Variants in MR1 observed in about 807,000 individuals in gnomAD.
MR1 encodes major histocompatibility complex class I-related protein 1.
Under a neutral mutation model 37.8 loss-of-function variants are expected in MR1, and 44 were observed. The observed-to-expected ratio is 1.16, with a 90% CI of 0.91 to 1.50. The LOEUF (loss-of-function observed/expected upper bound fraction) is 1.50, where lower values mean the gene tolerates loss of function less well. MR1 is among the 40% of genes most tolerant of loss of function. MR1 has a pLI of 0.00. For missense variants in MR1, 386 were observed against 419.1 expected (o/e 0.92, Z 0.69); for synonymous variants, 153 against 155.8 (o/e 0.98, Z 0.13).
chr1:181,047,030 C>G (rs959591448), intron 1 of MR1, among the ~76,000 whole-genome samples: 2 of 152,174 alleles, frequency 1.3e-5, no homozygotes, highest in Non-Finnish European at 2.9e-5. Flanking sequence ...CGGCTTCATT[C>G]TTGAAGTCAG....
intron 2 of MR1, 169 bp downstream of exon 2, chr1:181,049,481 T>C: frequency 1.3e-6 from 1 of 762,436 alleles, no homozygotes. Context: ...GTGCATCTTC[T>C]GGACTGTCCC....
intron 1 of MR1, among the ~76,000 whole-genome samples, chr1:181,048,322 T>A (rs1420905542): frequency 6.6e-6 from 1 of 151,858 alleles, no homozygotes; most frequent in African/African-American, 2.4e-5. Context: ...GATCATGAGG[T>A]CAGGAGTTTG....
chr1:181,047,059 A>G (rs1332626544), intron 1 of MR1, among the ~76,000 whole-genome samples: 1 of 152,006 alleles, frequency 6.6e-6, no homozygotes, highest in Non-Finnish European at 1.5e-5. Flanking sequence ...AGAACCCACC[A>G]ATTGCGGACA....
At position 181,049,044 on chromosome 1, in the gene MR1, C is replaced by G. The variant is rs2236411; in HGVS notation, c.68-8C>G. 143,216 of 1,611,880 alleles carry G rather than the reference C, an allele frequency of 0.089. 7,104 individuals carry two copies. Among genetic ancestry groups the G allele is most frequent in the African/African-American group, 0.19 (14,463 of 74,920 alleles). On this transcript the variant is annotated splice_region_variant and splice_polypyrimidine_tract_variant and intron_variant, in intron 1 of 5. Transcript: ENST00000367580. ...CCTACATGTCTTCCTTCTTTGCCTC[C>G]TTTCCAGGGACGCACTCTCTGAGAT... is the stretch of plus-strand genomic sequence containing the variant.
intron 1 of MR1, among the ~76,000 whole-genome samples, chr1:181,039,005 G>A (rs111682345): frequency 3.3e-5 from 5 of 151,696 alleles, no homozygotes; most frequent in Admixed American, 6.6e-5. Flanking sequence ...GAGTTTCTCC[G>A]TGTTGGCAAG....
rs1658366773 is a variant in MR1 at position 181,052,338 on chromosome 1, G to C, written c.708G>C (p.Trp236Cys). The part of the protein sequence containing the change: ...GFYPPEIYMT[W>C]MKNGEEIVQE... ...ACCCCCCAGAAATTTACATGACATG[G>C]ATGAAAAACGGGGAAGAAATTGTCC... The change falls in exon 4 of 6, where the codon TGG (tryptophan) becomes TGC (cysteine). Residue 236 changes from tryptophan (W) to cysteine (C), a missense_variant. Coordinates refer to ENST00000367580, the MANE Select transcript of MR1 (RefSeq NM_001385161.1). 7 of 1,614,194 alleles carry C rather than the reference G, an allele frequency of 4.3e-6. No individual in the cohort carries two copies. The East Asian group carries it at 1.6e-4, about 36-fold the overall frequency.
intron 2 of MR1, 149 bp from the exon 3 acceptor site, chr1:181,049,862 C>A (rs1383041051): frequency 5.9e-6 from 5 of 850,578 alleles, no homozygotes; most frequent in Non-Finnish European, 7.4e-6. Context: ...ATAAGGGGGA[C>A]CTCCTGGGGA....
chr1:181,054,718 G>C (rs1242596429), intron 5 of MR1, among the ~76,000 whole-genome samples: 1 of 151,582 alleles, frequency 6.6e-6, no homozygotes, highest in African/African-American at 2.4e-5. Flanking sequence ...AAAATTAGCT[G>C]GGCGTGGTGG....
chr1:181,050,011 G>A lies in MR1; in HGVS notation c.329G>A (p.Gly110Glu). 6.2e-7 allele frequency: 1 copy of A among 1,611,568 alleles called. No individual in the cohort carries two copies. The highest frequency in any genetic ancestry group is 8.5e-7 in the Non-Finnish European group (1 of 1,179,362). ...KRLQRHYNHSGSHTYQRMIGC... is the reference protein window; with the variant it reads ...KRLQRHYNHSESHTYQRMIGC... The stretch of plus-strand genomic sequence containing the variant: ...CTCTGGGCTTCTGTGTGTGTTCCAG[G>A]GTCTCACACTTACCAGAGAATGATT... The change falls in exon 3 of 6, where the codon GGG becomes GAG. Residue 110 changes from glycine to glutamate, a missense_variant and splice_region_variant. Coordinates refer to ENST00000367580, the MANE Select transcript of MR1 (RefSeq NM_001385161.1).
chr1:181,050,683 G>A (rs910218873), intron 3 of MR1: 4 of 265,852 alleles, frequency 1.5e-5, no homozygotes, highest in Non-Finnish European at 2.9e-5. Flanking sequence ...CAAACAGAAG[G>A]TCTCTGCTTT....
chr1:181,040,349 A>G (rs1344564512), intron 1 of MR1, among the ~76,000 whole-genome samples: 2 of 152,218 alleles, frequency 1.3e-5, no homozygotes, highest in Admixed American at 6.5e-5. Flanking sequence ...GCCTTTCCAA[A>G]TGATTCGAAA....
chr1:181,048,457 C>G (rs1011389321), intron 1 of MR1, among the ~76,000 whole-genome samples: 1 of 151,788 alleles, frequency 6.6e-6, no homozygotes, highest in East Asian at 1.9e-4. Context: ...ATCACTTGAA[C>G]CCAGGAGGCG....
intron 1 of MR1, among the ~76,000 whole-genome samples, chr1:181,036,447 T>C (rs1657272987): frequency 6.6e-6 from 1 of 152,116 alleles, no homozygotes; most frequent in African/African-American, 2.4e-5. Flanking sequence ...TGGAAAAGGA[T>C]ATGAGATTAT....
chr1:181,046,757 A>G (rs1657902462), intron 1 of MR1, among the ~76,000 whole-genome samples: 4 of 152,082 alleles, frequency 2.6e-5, no homozygotes, highest in Admixed American at 2.6e-4. Flanking sequence ...CACTGCCTTT[A>G]TGAGCTGTGA....
chr1:181,035,593 T>G (rs1184706212), intron 1 of MR1, among the ~76,000 whole-genome samples: 2 of 152,136 alleles, frequency 1.3e-5, no homozygotes, highest in African/African-American at 4.8e-5. Context: ...CTGCATGTGA[T>G]TCTCAAAGAA....
intron 1 of MR1, among the ~76,000 whole-genome samples, chr1:181,041,957 A>T (rs1391000418): frequency 6.6e-6 from 1 of 152,198 alleles, no homozygotes; most frequent in African/African-American, 2.4e-5. Context: ...GCTGGCACAG[A>T]AGAAGCATTG....
intron 4 of MR1, among the ~76,000 whole-genome samples, chr1:181,053,064 TCAAAAAAA>T (rs1194784823): frequency 2.7e-5 from 4 of 150,466 alleles, no homozygotes; most frequent in Non-Finnish European, 5.9e-5. Context: ...AGACTCCCTC[TCAAAAAAA>T]CAAAAAAACA....
At position 181,053,574 on chromosome 1, in the gene MR1, A is replaced by T. The variant is rs1408374904; in HGVS notation, c.882A>T (p.Glu294Asp). 4.3e-6 allele frequency: 7 copies of T among 1,612,088 alleles called. No individual in the cohort carries two copies. The highest frequency in any genetic ancestry group is 5.9e-6 in the Non-Finnish European group (7 of 1,178,242). Reference protein sequence around the residue: ...GVHMVLQVPQESETIPLVMKA... With the variant: ...GVHMVLQVPQDSETIPLVMKA... ...TTTTTCTCATTTGCTTGCTTTCAGA[A>T]TCAGAAACTATCCCTCTTGTGATGA... Residue 294 changes from glutamate (E) to aspartate (D), a missense_variant and splice_region_variant, in exon 5 of 6, where the codon GAA becomes GAT. Coordinates refer to ENST00000367580, the MANE Select transcript of MR1 (RefSeq NM_001385161.1).
intron 5 of MR1, among the ~76,000 whole-genome samples, chr1:181,054,514 A>G (rs1215343308): frequency 2.6e-5 from 4 of 152,192 alleles, no homozygotes; most frequent in African/African-American, 9.7e-5. Flanking sequence ...ACTGTACAAA[A>G]GCATGTTGTT....
Sources: allele counts gnomAD v4.1 joint callset (sites outside exome capture counted in the v4.1 genomes callset), GRCh38; gene constraint gnomAD v4.1.1; transcripts MANE v1.5; gene names NCBI Gene and HGNC (gene_info 2026-07-23, HGNC 2026-07-21).